Variants in CACNB4 observed in about 807,000 individuals in gnomAD.
The protein encoded by CACNB4 is calcium voltage-gated channel auxiliary subunit beta 4, also known as voltage-dependent L-type calcium channel subunit beta-4.
In CACNB4, 32 loss-of-function variants were observed where a neutral mutation model predicts 71.2. That is an observed-to-expected ratio of 0.45 (90% CI 0.34 to 0.60). The LOEUF (loss-of-function observed/expected upper bound fraction) is 0.60. Ranked by LOEUF, CACNB4 falls within the 20% of genes least tolerant of loss-of-function variation. The pLI, the probability that CACNB4 is intolerant of heterozygous loss-of-function variation, is 0.01. For missense variants in CACNB4, 464 were observed against 647.9 expected (o/e 0.72, Z 3.08); for synonymous variants, 231 against 236.9 (o/e 0.97, Z 0.23).
rs540460495 is a variant in CACNB4 at position 151,930,648 on chromosome 2, A to G, written c.148-47278T>C. On this transcript the variant is annotated intron_variant, in intron 2 of 13. Coordinates refer to ENST00000539935, the MANE Select transcript of CACNB4 (RefSeq NM_000726.5). Reference sequence around the variant, plus strand: ...GCAGAGGATTGCTAGGCAGAAGCTGATAACAATGGGGTAGATCTAGAAGTA... The same window carrying G: ...GCAGAGGATTGCTAGGCAGAAGCTGGTAACAATGGGGTAGATCTAGAAGTA... 3.9e-5 allele frequency among the ~76,000 whole-genome samples: 6 copies of G among 152,314 alleles called. No homozygotes were observed. The East Asian group carries it at 1.2e-3, about 29-fold the overall frequency.
At chr2:152,076,326 T>G (rs532968349) in intron 2 of CACNB4, among the ~76,000 whole-genome samples, 119 of 149,828 alleles carry the variant, frequency 7.9e-4, no homozygotes, top group African/African-American at 2.8e-3. Flanking sequence ...GGTTTTTTTT[T>G]TTTTTTTTGT....
chr2:151,947,224 G>A (rs933278020), intron 2 of CACNB4, among the ~76,000 whole-genome samples: 3 of 152,204 alleles, frequency 2.0e-5, no homozygotes, highest in African/African-American at 7.2e-5. Context: ...CAACAGGGAT[G>A]GGGCTATGCA....
intron 2 of CACNB4, among the ~76,000 whole-genome samples, chr2:151,895,619 T>G (rs2099851860): frequency 6.6e-6 from 1 of 152,050 alleles, no homozygotes; most frequent in Admixed American, 6.6e-5. Context: ...AACAAAAACA[T>G]TATAAATCTC....
chr2:151,926,348 G>A (rs1479706635), intron 2 of CACNB4, among the ~76,000 whole-genome samples: 2 of 152,120 alleles, frequency 1.3e-5, no homozygotes, highest in African/African-American at 4.8e-5. Context: ...CAAATCATGG[G>A]CCACAGCAAT....
intron 2 of CACNB4, among the ~76,000 whole-genome samples, chr2:151,993,447 G>T (rs1056476038): frequency 2.6e-5 from 4 of 152,170 alleles, no homozygotes; most frequent in Admixed American, 2.0e-4. Context: ...ACAGCAGTGA[G>T]AATTCATAGG....
At position 152,067,386 on chromosome 2, in the gene CACNB4, T is replaced by G. The variant is rs866029465; in HGVS notation, c.147+30944A>C. On this transcript the variant is annotated intron_variant, in intron 2 of 13. Coordinates refer to ENST00000539935, the MANE Select transcript of CACNB4 (RefSeq NM_000726.5). ...TTTGTTTTTTATAGAGATGTGTGTG[T>G]GTGGGGGGGGGGGTGCCTCTCACTG... Among the ~76,000 whole-genome samples the G allele has an allele frequency of 2.1e-3, 297 of 141,150 alleles. 3 individuals are homozygous for G. Among genetic ancestry groups the G allele is most frequent in the African/African-American group, 8.3e-3 (277 of 33,276 alleles). The allele number at this position is 141,150 out of a possible 152,430, so 92.6% of individuals were successfully genotyped here.
chr2:152,010,758 C>T (rs1683008351), intron 2 of CACNB4, among the ~76,000 whole-genome samples: 1 of 152,200 alleles, frequency 6.6e-6, no homozygotes, highest in African/African-American at 2.4e-5. Flanking sequence ...CCCTGCCCAA[C>T]CAGGGTCAAT....
intron 8 of CACNB4, chr2:151,869,465 A>G (rs2099844049): frequency 2.3e-6 from 1 of 432,956 alleles, no homozygotes; most frequent in Non-Finnish European, 4.1e-6. Context: ...ATAAACCAGC[A>G]GTGTTCACCA....
chr2:151,898,901 C>A (rs886471797), intron 2 of CACNB4, among the ~76,000 whole-genome samples: 6 of 152,158 alleles, frequency 3.9e-5, no homozygotes, highest in Admixed American at 2.6e-4. Flanking sequence ...AAGGCAAGGG[C>A]CTGAGGACAG....
chr2:151,890,923 G>C (rs569426043), intron 2 of CACNB4, among the ~76,000 whole-genome samples: 6 of 152,244 alleles, frequency 3.9e-5, no homozygotes, highest in Admixed American at 2.6e-4. Context: ...GTAGCACTGA[G>C]AGTTTTCTTT....
chr2:152,093,951 G>A (rs1688124907), intron 2 of CACNB4, among the ~76,000 whole-genome samples: 1 of 152,200 alleles, frequency 6.6e-6, no homozygotes. Context: ...AATATATCAA[G>A]TTAGTTCTCC....
rs200338044 is a variant in CACNB4, at chr2:151,920,313, TTCTTC to T, written c.148-36948_148-36944del. 1.7e-3 allele frequency among the ~76,000 whole-genome samples: 198 copies of T among 114,424 alleles called. 16 individuals carry two copies. The highest frequency in any genetic ancestry group is 0.012 in the East Asian group (48 of 3,948). 75.1% of individuals were successfully genotyped at this position (114,424 alleles called of 152,430 possible). A position where few individuals can be genotyped will look rare whatever the true frequency, so the allele number is the denominator to read the frequency against. ...AGTCTAGAGTCTTTTCTTCTTCTTC[TTCTTC>T]TTTTTTTTTTTTTTTTTTTTTGAGA... On this transcript the variant is annotated intron_variant, in intron 2 of 13. Transcript: ENST00000539935.
At chr2:151,872,073 A>T (rs542998245) in intron 6 of CACNB4, 79 of 271,772 alleles carry the variant, frequency 2.9e-4, no homozygotes, top group Non-Finnish European at 6.3e-5. Context: ...GAGAGTCTGC[A>T]TCATTTTTTT....
chr2:151,921,440 C>G (rs1366417639), intron 2 of CACNB4, among the ~76,000 whole-genome samples: 1 of 152,114 alleles, frequency 6.6e-6, no homozygotes, highest in Non-Finnish European at 1.5e-5. Context: ...GTAAGAATGA[C>G]CACAAACTTA....
chr2:151,878,819 G>A (rs760907300), intron 4 of CACNB4, among the ~76,000 whole-genome samples: 1 of 152,102 alleles, frequency 6.6e-6, no homozygotes, highest in Non-Finnish European at 1.5e-5. Context: ...GCTGAGGTGG[G>A]AGGATCACTT....
intron 2 of CACNB4, among the ~76,000 whole-genome samples, chr2:152,022,834 C>T (rs13421383): frequency 0.2 from 30,718 of 152,042 alleles, 3,316 homozygotes; most frequent in Middle Eastern, 0.36. Flanking sequence ...GTACAGGACT[C>T]AAAACTGTAA....
chr2:151,881,179 A>C (rs1344102964), intron 3 of CACNB4, among the ~76,000 whole-genome samples: 1 of 152,208 alleles, frequency 6.6e-6, no homozygotes, highest in East Asian at 1.9e-4. Flanking sequence ...TAAAGTATTA[A>C]GAGGGATAGA....
At chr2:152,044,762 G>T (rs1685064384) in intron 2 of CACNB4, among the ~76,000 whole-genome samples, 1 of 152,048 alleles carries the variant, frequency 6.6e-6, no homozygotes, top group Non-Finnish European at 1.5e-5. Flanking sequence ...ATCCTTTCAT[G>T]AGCCTGGCCA....
At chr2:152,095,695 C>T (rs539517321) in intron 2 of CACNB4, among the ~76,000 whole-genome samples, 2 of 152,178 alleles carry the variant, frequency 1.3e-5, no homozygotes, top group Admixed American at 6.5e-5. Flanking sequence ...CTCTGTCGCC[C>T]GGCTGGAATG....
Sources: gnomAD v4.1 joint callset for allele counts (sites outside exome capture counted in the v4.1 genomes callset) on GRCh38, gnomAD v4.1.1 for gene constraint, MANE v1.5 for transcripts, NCBI Gene and HGNC (gene_info 2026-07-23, HGNC 2026-07-21) for gene names.